ERC2: variants seen among roughly 807,000 people sequenced by gnomAD.
The protein encoded by ERC2 is ELKS/RAB6-interacting/CAST family member 2, also known as ERC protein 2.
Under a neutral mutation model 114.8 loss-of-function variants are expected in ERC2, and 42 were observed. The ratio of observed to expected loss-of-function variants is 0.37; its 90% confidence interval spans 0.29 to 0.47. ERC2 has a LOEUF of 0.47. Ranked by LOEUF, ERC2 falls within the 20% of genes least tolerant of loss-of-function variation. ERC2 has a pLI of 0.99. For missense variants in ERC2, 939 were observed against 1,150.7 expected (o/e 0.82, Z 2.66); for synonymous variants, 454 against 425.5 (o/e 1.07, Z -0.82).
rs79747016 is a variant in ERC2, at chr3:56,124,425, G to A, written c.1473+15084C>T. ...TTTATCTCTAAAGGACTGGCACGAA[G>A]CACCATGAAGATGAAGACAAATGCA... On this transcript the variant is annotated intron_variant, in intron 6 of 17. Coordinates refer to ENST00000288221, the MANE Select transcript of ERC2 (RefSeq NM_015576.3). Among the ~76,000 whole-genome samples, 1,352 of 152,308 alleles carry A rather than the reference G, an allele frequency of 8.9e-3. 31 individuals carry two copies. The highest frequency in any genetic ancestry group is 0.031 in the African/African-American group (1,286 of 41,572).
At chr3:56,376,182 ATTG>A in intron 2 of ERC2, among the ~76,000 whole-genome samples, 1 of 152,156 alleles carries the variant, frequency 6.6e-6, no homozygotes, top group African/African-American at 2.4e-5. Flanking sequence ...GATAATAAAT[ATTG>A]TTGTTTAAAG....
rs111702302 is a variant in ERC2 at position 55,952,548 on chromosome 3, T to A, written c.2268-1988A>T. Among the ~76,000 whole-genome samples the A allele has an allele frequency of 8.2e-3, 1,254 of 152,280 alleles. 13 individuals are homozygous for A. Among genetic ancestry groups the A allele is most frequent in the African/African-American group, 0.029 (1,206 of 41,566 alleles). ...CATGCTAACCTAAGGCAGGCGCATT[T>A]TCCAGTTCCTTAGGAAATAAGGCCA... On this transcript the variant is annotated intron_variant, in intron 12 of 17. Coordinates refer to ENST00000288221, the MANE Select transcript of ERC2 (RefSeq NM_015576.3).
rs112487580 is a variant in ERC2 at position 55,828,682 on chromosome 3, T to C, written c.2564+59707A>G. Among the ~76,000 whole-genome samples, 507 of 152,122 alleles carry C rather than the reference T, an allele frequency of 3.3e-3. 4 individuals carry two copies. The highest frequency in any genetic ancestry group is 0.011 in the African/African-American group (475 of 41,472). On this transcript the variant is annotated intron_variant, in intron 14 of 17. Coordinates refer to ENST00000288221, the MANE Select transcript of ERC2 (RefSeq NM_015576.3). The stretch of plus-strand genomic sequence containing the variant: ...ATCCCTAAGCTGTGCATGTGTACAA[T>C]AGATCTAAAGACTTGAAAACTTAAT...
At chr3:56,170,167 C>T (rs2082556011) in intron 4 of ERC2, among the ~76,000 whole-genome samples, 1 of 152,222 alleles carries the variant, frequency 6.6e-6, no homozygotes, top group Non-Finnish European at 1.5e-5. Context: ...AAACTTGAAG[C>T]TTCCTGCAAG....
intron 4 of ERC2, among the ~76,000 whole-genome samples, chr3:56,168,437 T>G (rs1036541715): frequency 6.6e-6 from 1 of 152,204 alleles, no homozygotes; most frequent in Non-Finnish European, 1.5e-5. Flanking sequence ...AAATTTCATA[T>G]GAACACAGCA....
intron 6 of ERC2, among the ~76,000 whole-genome samples, chr3:56,098,609 C>T (rs1476580156): frequency 1.3e-5 from 2 of 152,212 alleles, no homozygotes; most frequent in Non-Finnish European, 2.9e-5. Flanking sequence ...TCATACCTCT[C>T]ATAAAGTGCT....
At chr3:55,654,190 T>C (rs1179619018) in intron 17 of ERC2, among the ~76,000 whole-genome samples, 1 of 152,238 alleles carries the variant, frequency 6.6e-6, no homozygotes, top group East Asian at 1.9e-4. Flanking sequence ...TTGATTCCTC[T>C]TTCATTCCAG....
intron 17 of ERC2, among the ~76,000 whole-genome samples, chr3:55,545,652 CTG>C (rs1051239885): frequency 2.6e-5 from 4 of 152,204 alleles, no homozygotes; most frequent in Admixed American, 2.0e-4. Flanking sequence ...TCAGGAGTTT[CTG>C]TGTGTGTCAT....
intron 2 of ERC2, among the ~76,000 whole-genome samples, chr3:56,362,925 A>G (rs958613503): frequency 2.0e-5 from 3 of 152,224 alleles, no homozygotes; most frequent in African/African-American, 7.2e-5. Flanking sequence ...TGGCAGACCC[A>G]TCAATTGAGG....
intron 2 of ERC2, among the ~76,000 whole-genome samples, chr3:56,307,833 C>T (rs746918079): frequency 0.21 from 5,793 of 27,992 alleles, 242 homozygotes; most frequent in Middle Eastern, 0.31. Context: ...CACTTGCACA[C>T]ACACACACAC....
chr3:56,096,767 G>A (rs1309697445), intron 6 of ERC2, among the ~76,000 whole-genome samples: 1 of 152,122 alleles, frequency 6.6e-6, no homozygotes, highest in African/African-American at 2.4e-5. Context: ...CAAACAAAAT[G>A]TCATCAAATG....
chr3:56,053,165 A>G (rs1486983918), intron 7 of ERC2, among the ~76,000 whole-genome samples: 1 of 152,188 alleles, frequency 6.6e-6, no homozygotes, highest in Admixed American at 6.5e-5. Flanking sequence ...TGCTCTCCCA[A>G]CCTAAGGTTT....
chr3:55,599,136 G>A (rs559917581), intron 17 of ERC2, among the ~76,000 whole-genome samples: 6 of 152,300 alleles, frequency 3.9e-5, no homozygotes, highest in African/African-American at 1.4e-4. Context: ...CAAATAAATG[G>A]CTGTTGAATA....
At chr3:56,186,509 G>A (rs1203589141) in intron 3 of ERC2, among the ~76,000 whole-genome samples, 1 of 151,990 alleles carries the variant, frequency 6.6e-6, no homozygotes, top group Non-Finnish European at 1.5e-5. Flanking sequence ...TCCTTTTGTT[G>A]TTGTTGGTTT....
intron 2 of ERC2, among the ~76,000 whole-genome samples, chr3:56,303,864 G>T (rs531879657): frequency 9.2e-5 from 14 of 152,192 alleles, no homozygotes; most frequent in Non-Finnish European, 1.8e-4. Flanking sequence ...CAAGGACTGG[G>T]AGAGGCGATT....
chr3:55,831,098 G>A (rs1025204066), intron 14 of ERC2, among the ~76,000 whole-genome samples: 11 of 150,426 alleles, frequency 7.3e-5, no homozygotes, highest in African/African-American at 2.7e-4. Context: ...TTTGAAGCCA[G>A]GAGTTCAAGA....
chr3:55,663,513 TG>T (rs2061228570), intron 17 of ERC2, among the ~76,000 whole-genome samples: 1 of 152,312 alleles, frequency 6.6e-6, no homozygotes, highest in African/African-American at 2.4e-5. Flanking sequence ...AACAGACCCT[TG>T]GGTTTGCATG....
chr3:56,036,943 T>C (rs759862057), intron 7 of ERC2, among the ~76,000 whole-genome samples: 4 of 152,036 alleles, frequency 2.6e-5, no homozygotes, highest in Non-Finnish European at 4.4e-5. Context: ...AGCAGCCCTA[T>C]AGAAGACGGG....
chr3:56,004,638 C>T (rs2072334290), intron 10 of ERC2, among the ~76,000 whole-genome samples: 2 of 151,936 alleles, frequency 1.3e-5, no homozygotes, highest in South Asian at 2.1e-4. Context: ...GATTTCATTG[C>T]CACTGGCAGA....
Sources: allele counts gnomAD v4.1 joint callset (sites outside exome capture counted in the v4.1 genomes callset), GRCh38; gene constraint gnomAD v4.1.1; transcripts MANE v1.5; gene names NCBI Gene and HGNC (gene_info 2026-07-23, HGNC 2026-07-21).